Variants in MTUS1 observed in about 807,000 individuals in gnomAD.
MTUS1 encodes microtubule associated scaffold protein 1.
A neutral mutation model predicts 120.8 loss-of-function variants in MTUS1; 109 were observed. The ratio of observed to expected loss-of-function variants is 0.90; its 90% CI spans 0.77 to 1.06. The LOEUF is 1.06. Among genes scored for constraint, MTUS1 ranks in the 50% least tolerant of loss-of-function variants. MTUS1 has a pLI of 0.00. For missense variants in MTUS1, 2,210 were observed against 1,486.3 expected, an observed-to-expected ratio of 1.49 and a Z score of -8.01; for synonymous variants, 737 against 550.5, an observed-to-expected ratio of 1.34 and a Z score of -4.74.
intron 8 of MTUS1, among the ~76,000 whole-genome samples, chr8:17,660,515 G>A (rs767959347): frequency 1.6e-4 from 24 of 152,138 alleles, no homozygotes; most frequent in Non-Finnish European, 1.5e-5. Context: ...ATACATGCCC[G>A]AGTCCCTGCT....
In MTUS1 at chr8:17,702,374, C is replaced by G. The variant is rs1426977964; in HGVS notation, c.2623+10840G>C. Among the ~76,000 whole-genome samples the G allele has an allele frequency of 2.6e-5, 4 of 152,072 alleles. No homozygotes were observed. The East Asian group carries it at 7.7e-4, about 29-fold the overall frequency. On this transcript the variant is annotated intron_variant, in intron 6 of 14. Transcript: ENST00000693296. The stretch of plus-strand genomic sequence containing the variant: ...TGTCCATCCACTTATTTTTCCCTTT[C>G]TTTTTGTTTAGTTTTTTTAATTGTG...
At chr8:17,651,712 T>C (rs1807043739) in intron 12 of MTUS1, 1 of 152,200 alleles carries the variant, frequency 6.6e-6, no homozygotes, top group Non-Finnish European at 1.5e-5. Context: ...GCACTCTTTT[T>C]CCGCAGCCTC....
At chr8:17,784,547 G>A (rs1468285741) in intron 1 of MTUS1, among the ~76,000 whole-genome samples, 4 of 151,948 alleles carry the variant, frequency 2.6e-5, no homozygotes, top group Non-Finnish European at 4.4e-5. Context: ...TGCCTGCCTC[G>A]GCCTCCCAAA....
Position 17,755,273 on chromosome 8 carries a change from C to T in MTUS1, c.535G>A (p.Gly179Arg), listed in dbSNP as rs181661744. 29 of 1,614,144 alleles carry T rather than the reference C, an allele frequency of 1.8e-5. No individual in the cohort carries two copies. The highest frequency in any genetic ancestry group is 1.6e-4 in the Middle Eastern group (1 of 6,062). Residue 179 changes from glycine (G) to arginine (R), a missense_variant, in exon 2 of 15, where the codon GGA (glycine) becomes AGA (arginine). Coordinates refer to ENST00000693296, the MANE Select transcript of MTUS1 (RefSeq NM_001363059.2). Reference protein sequence around the residue: ...NCTFISHHAIGKSQSFHTAGS... With the variant: ...NCTFISHHAIRKSQSFHTAGS... ...GCAGTATGGAAGGACTGACTCTTTCCGATGGCATGATGTGATATAAAGGTG... is the reference window on the plus strand; with the variant it reads ...GCAGTATGGAAGGACTGACTCTTTCTGATGGCATGATGTGATATAAAGGTG...
chr8:17,667,061 A>T (rs1406100203), intron 8 of MTUS1, among the ~76,000 whole-genome samples: 2 of 152,196 alleles, frequency 1.3e-5, no homozygotes, highest in Non-Finnish European at 2.9e-5. Flanking sequence ...TGGAGTTAGG[A>T]CAAGGAACAG....
At chr8:17,696,174 C>G (rs538656944) in intron 6 of MTUS1, among the ~76,000 whole-genome samples, 23 of 152,222 alleles carry the variant, frequency 1.5e-4, no homozygotes, top group Non-Finnish European at 2.2e-4. Flanking sequence ...CTGCCTCCCC[C>G]CATTTACCGT....
rs1488930007 is a variant in MTUS1, at chr8:17,644,978, G to A, written c.*948C>T. On this transcript the variant is annotated 3_prime_UTR_variant, in exon 15 of 15. Transcript: ENST00000693296. ...AGAATAATGGGAGGGAAGAAGACAG[G>A]TTAAATCTGCAAGGGTAGATCAAAG... The A allele has an allele frequency of 1.3e-5, 2 of 152,446 alleles. No homozygotes were observed. Among genetic ancestry groups the A allele is most frequent in the African/African-American group, 4.8e-5 (2 of 41,428 alleles). 9.4% of individuals were successfully genotyped at this position (152,446 alleles called of 1,614,324 possible).
intron 3 of MTUS1, among the ~76,000 whole-genome samples, chr8:17,741,644 G>A (rs937098441): frequency 2.0e-5 from 3 of 152,154 alleles, no homozygotes; most frequent in African/African-American, 7.2e-5. Context: ...CGCTGGGTGG[G>A]ACTGATCGCC....
chr8:17,787,017 A>T (rs921108954), intron 1 of MTUS1, among the ~76,000 whole-genome samples: 7 of 152,346 alleles, frequency 4.6e-5, no homozygotes, highest in African/African-American at 1.7e-4. Context: ...TTGTGGAGTG[A>T]GGCTGACCTC....
At chr8:17,655,751 C>G in intron 9 of MTUS1, 112 bp downstream of exon 9, 1 of 913,340 alleles carries the variant, frequency 1.1e-6, no homozygotes, top group Admixed American at 2.0e-5. Context: ...CAACAACATG[C>G]TTTTTATACC....
rs1175915370 is a variant in MTUS1, at chr8:17,654,324, G to T, written c.3214+237C>A. On this transcript the variant is annotated intron_variant, in intron 10 of 14. Transcript: ENST00000693296. ...CACCACCGCCAAAATGGCCTTTACA[G>T]TCTTCCAAAGCCCATCCTATTTAAC... The T allele has an allele frequency of 9.5e-6, 5 of 528,664 alleles. No individual in the cohort carries two copies. The Admixed American group carries it at 1.6e-4, about 17-fold the overall frequency. The allele number at this position is 528,664 out of a possible 1,614,324, so 32.7% of individuals were successfully genotyped here.
At position 17,659,356 on chromosome 8, in the gene MTUS1, A is replaced by G. The variant is rs759712122; in HGVS notation, c.2906-3291T>C. Reference sequence around the variant, plus strand: ...AGTTTACGTCCAGTCAGGGTGGACCAAAGGTTTGGTCAGATTTTTAAAACA... The same window carrying G: ...AGTTTACGTCCAGTCAGGGTGGACCGAAGGTTTGGTCAGATTTTTAAAACA... On this transcript the variant is annotated intron_variant, in intron 8 of 14. Coordinates refer to ENST00000693296, the MANE Select transcript of MTUS1 (RefSeq NM_001363059.2). Among the ~76,000 whole-genome samples, 51 of 152,202 alleles carry G rather than the reference A, an allele frequency of 3.4e-4. 1 individual carries two copies. Among genetic ancestry groups the G allele is most frequent in the Admixed American group, 2.1e-3 (32 of 15,274 alleles).
chr8:17,674,611 A>T (rs894525133), intron 8 of MTUS1: 16 of 985,694 alleles, frequency 1.6e-5, no homozygotes, highest in Non-Finnish European at 1.8e-5. Context: ...GTGTTGAGAC[A>T]TGTAAACTGC....
chr8:17,759,614 A>T (rs2048884363), intron 1 of MTUS1, among the ~76,000 whole-genome samples: 1 of 146,556 alleles, frequency 6.8e-6, no homozygotes, highest in African/African-American at 2.5e-5. Flanking sequence ...TATATATAAA[A>T]GTTCTCTTTC....
rs1043286685 is a variant in MTUS1, at chr8:17,765,915, A to C, written c.-154-9954T>G. Among the ~76,000 whole-genome samples, 4 of 152,190 alleles carry C rather than the reference A, an allele frequency of 2.6e-5. 1 individual carries two copies. Among genetic ancestry groups the C allele is most frequent in the Admixed American group, 2.6e-4 (4 of 15,296 alleles). On this transcript the variant is annotated intron_variant, in intron 1 of 14. Coordinates refer to ENST00000693296, the MANE Select transcript of MTUS1 (RefSeq NM_001363059.2). ...AACAACAAACAGAAATAGCACCAAA[A>C]ATTGGTTCTTACTTTTCACAAATCC...
chr8:17,718,810 T>C (rs1822838195), intron 4 of MTUS1, among the ~76,000 whole-genome samples: 1 of 151,600 alleles, frequency 6.6e-6, no homozygotes, highest in Admixed American at 6.6e-5. Context: ...CTGGTGAGTC[T>C]AAAAGGAAAA....
At chr8:17,670,179 G>A (rs374348821) in intron 8 of MTUS1, among the ~76,000 whole-genome samples, 9 of 152,188 alleles carry the variant, frequency 5.9e-5, no homozygotes, top group Non-Finnish European at 8.8e-5. Context: ...ATGAGGAGAC[G>A]CTGCATGGCG....
At chr8:17,696,662 A>T (rs1438308289) in intron 6 of MTUS1, among the ~76,000 whole-genome samples, 1 of 152,212 alleles carries the variant, frequency 6.6e-6, no homozygotes, top group African/African-American at 2.4e-5. Context: ...AATAATAAGC[A>T]GATACAAACA....
rs374568919 is a variant in MTUS1 at position 17,755,814 on chromosome 8, T to C, written c.-7A>G. 5.6e-5 allele frequency: 90 copies of C among 1,608,120 alleles called. No homozygotes were observed. The African/African-American group carries it at 8.4e-4, about 15-fold the overall frequency. On this transcript the variant is annotated 5_prime_UTR_variant, in exon 2 of 15. Coordinates refer to ENST00000693296, the MANE Select transcript of MTUS1 (RefSeq NM_001363059.2). ...CTGAATTATCATCAGTCATCCTGAATAGTAACCTTAAACCTCTGCCATTTT... is the reference window on the plus strand; with the variant it reads ...CTGAATTATCATCAGTCATCCTGAACAGTAACCTTAAACCTCTGCCATTTT...
Sources: allele counts gnomAD v4.1 joint callset (sites outside exome capture counted in the v4.1 genomes callset), GRCh38; gene constraint gnomAD v4.1.1; transcripts MANE v1.5; gene names NCBI Gene and HGNC (gene_info 2026-07-23, HGNC 2026-07-21).